Variants in TSPAN9 observed in about 807,000 individuals in gnomAD.
TSPAN9 encodes tetraspanin 9.
A neutral mutation model predicts 31.0 loss-of-function variants in TSPAN9; 16 were observed. The observed-to-expected ratio is 0.52, with a 90% CI of 0.35 to 0.78. The LOEUF is 0.78. Among genes scored for constraint, TSPAN9 ranks in the 30% least tolerant of loss-of-function variants. The probability of loss-of-function intolerance (pLI) is 0.01; values close to 1 mark genes in which losing one functional copy is unlikely to be tolerated. For synonymous variants in TSPAN9, 145 were observed against 121.6 expected (o/e 1.19, Z -1.27); for missense variants, 272 against 312.5 (o/e 0.87, Z 0.98).
intron 3 of TSPAN9, among the ~76,000 whole-genome samples, chr12:3,248,405 C>T (rs1017313012): frequency 2.6e-5 from 4 of 152,154 alleles, no homozygotes; most frequent in African/African-American, 9.7e-5. Context: ...TGTGTGCTCT[C>T]TTAGTTTCCT....
At chr12:3,082,738 G>C (rs1447132325) in intron 1 of TSPAN9, among the ~76,000 whole-genome samples, 1 of 152,126 alleles carries the variant, frequency 6.6e-6, no homozygotes. Context: ...GGATGAAGTT[G>C]AAGGGGGATT....
At chr12:3,205,256 A>G (rs893249124) in intron 3 of TSPAN9, among the ~76,000 whole-genome samples, 4 of 152,218 alleles carry the variant, frequency 2.6e-5, no homozygotes, top group African/African-American at 4.8e-5. Flanking sequence ...TGGAAAGCCT[A>G]TTCCTTGTGG....
chr12:3,202,200 A>G (rs570100547), intron 3 of TSPAN9, among the ~76,000 whole-genome samples: 1 of 152,192 alleles, frequency 6.6e-6, no homozygotes, highest in Non-Finnish European at 1.5e-5. Context: ...CTTCATCCCA[A>G]TTGCCGTCTC....
intron 3 of TSPAN9, among the ~76,000 whole-genome samples, chr12:3,217,662 G>A (rs1474466458): frequency 6.6e-6 from 1 of 152,112 alleles, no homozygotes; most frequent in African/African-American, 2.4e-5. Flanking sequence ...GAACCCGCAG[G>A]GACTCAACTC....
At chr12:3,277,271 G>A (rs115023342) in intron 3 of TSPAN9, among the ~76,000 whole-genome samples, 275 of 152,288 alleles carry the variant, frequency 1.8e-3, no homozygotes, top group African/African-American at 6.3e-3. Context: ...ACTTTCACCC[G>A]GCATAGAATG....
chr12:3,154,622 G>T (rs1039365327), intron 2 of TSPAN9, among the ~76,000 whole-genome samples: 1 of 152,154 alleles, frequency 6.6e-6, no homozygotes, highest in Non-Finnish European at 1.5e-5. Context: ...TCAGCGTCCT[G>T]CTTTCATTGT....
intron 7 of TSPAN9, 54 bp from the exon 8 acceptor site, chr12:3,281,680 G>T: frequency 2.6e-6 from 4 of 1,568,554 alleles, no homozygotes; most frequent in Non-Finnish European, 2.6e-6. Flanking sequence ...GGGCTGGGCT[G>T]CAGGGAGCGC....
At chr12:3,242,970 C>T (rs566433080) in intron 3 of TSPAN9, among the ~76,000 whole-genome samples, 62 of 152,346 alleles carry the variant, frequency 4.1e-4, no homozygotes, top group Admixed American at 1.4e-3. Context: ...GGCATCCAGA[C>T]GGGAGCTCTG....
At chr12:3,153,345 C>T (rs1011421333) in intron 2 of TSPAN9, among the ~76,000 whole-genome samples, 53 of 152,304 alleles carry the variant, frequency 3.5e-4, no homozygotes, top group African/African-American at 1.2e-3. Context: ...AACCTGCCAT[C>T]ATGACAAATC....
rs1483224940 is a variant in TSPAN9 at position 3,285,073 on chromosome 12, G to C, written c.*1957G>C. 1 of 152,358 alleles carries C rather than the reference G, an allele frequency of 6.6e-6. No homozygotes were observed. The highest frequency in any genetic ancestry group is 2.4e-5 in the African/African-American group (1 of 41,568). 9.4% of individuals were successfully genotyped at this position (152,358 alleles called of 1,614,324 possible). On this transcript the variant is annotated 3_prime_UTR_variant, in exon 9 of 9. Transcript: ENST00000011898. Reference sequence around the variant, plus strand: ...AGGGGCAGTGGTGCTGATGGAATGTGGGGGAGGCCCACATTTGAGCAAAGC... The same window carrying C: ...AGGGGCAGTGGTGCTGATGGAATGTCGGGGAGGCCCACATTTGAGCAAAGC...
intron 2 of TSPAN9, among the ~76,000 whole-genome samples, chr12:3,176,537 A>G (rs1037331168): frequency 3.3e-5 from 5 of 152,350 alleles, no homozygotes; most frequent in Admixed American, 6.5e-5. Flanking sequence ...TTCCGTCCAC[A>G]TCTGTTGATT....
intron 2 of TSPAN9, among the ~76,000 whole-genome samples, chr12:3,186,293 A>G (rs1486518508): frequency 1.3e-5 from 2 of 152,222 alleles, no homozygotes; most frequent in African/African-American, 4.8e-5. Context: ...ATACAGCAGT[A>G]AGTGAAGCAG....
In TSPAN9 at chr12:3,187,154, C is replaced by T. The variant is rs900931688; in HGVS notation, c.-17-14023C>T. On this transcript the variant is annotated intron_variant, in intron 2 of 8. Coordinates refer to ENST00000011898, the MANE Select transcript of TSPAN9 (RefSeq NM_006675.5). This position sits in a 1 kb window ranked among gnomAD's most constrained non-coding sequence, Gnocchi z 5.2. ...TTTCAGAGGGGAGGGCCTCTGTTTTCTTTCACTTGGCAGATCACCTGTGTT... is the reference window on the plus strand; with the variant it reads ...TTTCAGAGGGGAGGGCCTCTGTTTTTTTTCACTTGGCAGATCACCTGTGTT... Among the ~76,000 whole-genome samples the T allele has an allele frequency of 1.1e-4, 17 of 152,178 alleles. No homozygotes were observed. The highest frequency in any genetic ancestry group is 3.9e-4 in the African/African-American group (16 of 41,434).
intron 2 of TSPAN9, among the ~76,000 whole-genome samples, chr12:3,094,538 GTTTTTT>G (rs3062035): frequency 0.22 from 30,756 of 142,578 alleles, 3,953 homozygotes; most frequent in South Asian, 0.43. Flanking sequence ...TGTTGTTGTT[GTTTTTT>G]TTTTTTTTTG....
At chr12:3,136,821 A>G (rs1427076520) in intron 2 of TSPAN9, among the ~76,000 whole-genome samples, 1 of 151,998 alleles carries the variant, frequency 6.6e-6, no homozygotes, top group Non-Finnish European at 1.5e-5. Context: ...GCCATAGTGT[A>G]CCCCTCAGCT....
At chr12:3,089,539 C>T (rs2098303030) in intron 2 of TSPAN9, among the ~76,000 whole-genome samples, 2 of 152,060 alleles carry the variant, frequency 1.3e-5, no homozygotes, top group South Asian at 2.1e-4. Context: ...TCGTGATCCG[C>T]CCTCCTTGGC....
intron 2 of TSPAN9, among the ~76,000 whole-genome samples, chr12:3,137,843 C>T (rs1358278134): frequency 6.6e-6 from 1 of 152,114 alleles, no homozygotes; most frequent in Non-Finnish European, 1.5e-5. Context: ...ACACGGATTT[C>T]TGCATGCAGC....
intron 3 of TSPAN9, among the ~76,000 whole-genome samples, chr12:3,226,438 A>G (rs1310458424): frequency 6.6e-6 from 1 of 151,778 alleles, no homozygotes; most frequent in African/African-American, 2.4e-5. Flanking sequence ...GGCCGTGAGC[A>G]TTCTTAAGGG....
At chr12:3,133,182 G>A (rs1156977778) in intron 2 of TSPAN9, among the ~76,000 whole-genome samples, 2 of 152,100 alleles carry the variant, frequency 1.3e-5, no homozygotes, top group African/African-American at 4.8e-5. Flanking sequence ...CTGTGCTCCA[G>A]AAACCACTCC....
Sources: allele counts gnomAD v4.1 joint callset (sites outside exome capture counted in the v4.1 genomes callset), GRCh38; gene constraint gnomAD v4.1.1; non-coding constraint Gnocchi (gnomAD v3.1); transcripts MANE v1.5; gene names NCBI Gene and HGNC (gene_info 2026-07-23, HGNC 2026-07-21).